Variants in IQGAP2 observed in about 807,000 individuals in gnomAD.
IQGAP2 encodes the protein ras GTPase-activating-like protein IQGAP2.
In IQGAP2, 173 loss-of-function variants were observed where a neutral mutation model predicts 201.3. That is an observed-to-expected ratio of 0.86 (90% CI 0.76 to 0.98). IQGAP2 has a LOEUF of 0.98. Ranked by LOEUF, IQGAP2 falls within the 50% of genes least tolerant of loss-of-function variation. The probability of loss-of-function intolerance (pLI) is 0.00; values close to 1 mark genes in which losing one functional copy is unlikely to be tolerated. For synonymous variants in IQGAP2, 675 were observed against 673.9 expected (o/e 1.00, Z -0.03); for missense variants, 1,687 against 1,864.8 (o/e 0.90, Z 1.76).
Position 76,549,682 on chromosome 5 carries a change from C to T in IQGAP2, c.147-12714C>T, listed in dbSNP as rs1001995899. 1.1e-4 allele frequency among the ~76,000 whole-genome samples: 17 copies of T among 152,082 alleles called. 1 individual carries two copies. The highest frequency in any genetic ancestry group is 1.0e-3 in the Admixed American group (16 of 15,262). On this transcript the variant is annotated intron_variant, in intron 2 of 35. Transcript: ENST00000274364. ...TTTGGTTTCTTCTGAGGCCTCTGTC[C>T]TCGGCTTTGCAGATGGCCCTTTCAC...
At chr5:76,662,361 T>C (rs1190482438) in intron 21 of IQGAP2, among the ~76,000 whole-genome samples, 2 of 152,198 alleles carry the variant, frequency 1.3e-5, no homozygotes, top group African/African-American at 4.8e-5. Context: ...CTGTTTCTAA[T>C]GCAGAGGAAT....
In IQGAP2 at chr5:76,518,789, T is replaced by A. The variant is rs574393480; in HGVS notation, c.147-43607T>A. ...TGATTCCTAGTTTTCAGGAGAAAAA[T>A]TAAAGTTCTTTGGGAGAACTTTAAA... is the stretch of plus-strand genomic sequence containing the variant. On this transcript the variant is annotated intron_variant, in intron 2 of 35. Coordinates refer to ENST00000274364, the MANE Select transcript of IQGAP2 (RefSeq NM_006633.5). 3.3e-5 allele frequency among the ~76,000 whole-genome samples: 5 copies of A among 152,246 alleles called. No individual in the cohort carries two copies. In the South Asian group the frequency reaches 6.2e-4, roughly 19 times the overall value.
chr5:76,649,504 A>C (rs189351524), intron 17 of IQGAP2, among the ~76,000 whole-genome samples: 28 of 152,366 alleles, frequency 1.8e-4, no homozygotes, highest in South Asian at 6.2e-4. Flanking sequence ...AGCTAGAAGA[A>C]TAAAAATATG....
chr5:76,549,420 G>A (rs960572940), intron 2 of IQGAP2, among the ~76,000 whole-genome samples: 7 of 151,620 alleles, frequency 4.6e-5, no homozygotes, highest in East Asian at 1.9e-4. Context: ...CAGTCTAACT[G>A]AGTGAGCCAG....
At chr5:76,616,473 T>A (rs1314955999) in intron 13 of IQGAP2, 1 of 152,684 alleles carries the variant, frequency 6.5e-6, no homozygotes. Flanking sequence ...TTTAGTGATG[T>A]ATCCTAACTG....
chr5:76,520,522 T>C (rs78741678), intron 2 of IQGAP2, among the ~76,000 whole-genome samples: 506 of 152,304 alleles, frequency 3.3e-3, no homozygotes, highest in African/African-American at 0.011. Context: ...TTTTCAAAAT[T>C]ATTTTAGCTA....
intron 2 of IQGAP2, among the ~76,000 whole-genome samples, chr5:76,557,188 T>C (rs1222769757): frequency 6.6e-6 from 1 of 152,174 alleles, no homozygotes; most frequent in Non-Finnish European, 1.5e-5. Context: ...AATTAAAAGT[T>C]GGAATTAGAG....
At chr5:76,551,595 G>T (rs1743530979) in intron 2 of IQGAP2, among the ~76,000 whole-genome samples, 1 of 152,162 alleles carries the variant, frequency 6.6e-6, no homozygotes, top group African/African-American at 2.4e-5. Context: ...GACTCCGTCT[G>T]CAATCCCGGC....
intron 2 of IQGAP2, among the ~76,000 whole-genome samples, chr5:76,496,803 CTTTCTCTT>C (rs1757015231): frequency 8.6e-6 from 1 of 115,908 alleles, no homozygotes; most frequent in African/African-American, 3.6e-5. Context: ...CTCTTTCTTT[CTTTCTCTT>C]TCTTTCTTTC....
intron 21 of IQGAP2, among the ~76,000 whole-genome samples, chr5:76,663,880 A>G (rs6890835): frequency 0.16 from 23,925 of 152,240 alleles, 2,435 homozygotes; most frequent in African/African-American, 0.3. Context: ...TTAAGGCCTC[A>G]TAGAATTGAA....
intron 5 of IQGAP2, among the ~76,000 whole-genome samples, chr5:76,579,841 G>A (rs552372658): frequency 1.3e-5 from 2 of 151,884 alleles, no homozygotes; most frequent in African/African-American, 4.8e-5. Context: ...CTTTCTACCC[G>A]GTGTTTCTGT....
Position 76,644,295 on chromosome 5 carries a change from C to CTTTTTTTTTTTTTTTTTTTTTTTTT in IQGAP2, c.2094+3214_2094+3215insTTTTTTTTTTTTTTTTTTTTTTTTT, listed in dbSNP as rs547155944. ...AATGAGACTGCCATTTTTGTAAATCCTTTTTTTTTTTTTTTTTTTTTTGAG... is the reference window on the plus strand; with the variant it reads ...AATGAGACTGCCATTTTTGTAAATCCTTTTTTTTTTTTTTTTTTTTTTTTTTTTTTTTTTTTTTTTTTTTTTTGAG... On this transcript the variant is annotated intron_variant, in intron 17 of 35. Transcript: ENST00000274364. Among the ~76,000 whole-genome samples, 241 of 47,698 alleles carry CTTTTTTTTTTTTTTTTTTTTTTTTT rather than the reference C, an allele frequency of 5.1e-3. 58 individuals carry two copies. Among genetic ancestry groups the CTTTTTTTTTTTTTTTTTTTTTTTTT allele is most frequent in the Non-Finnish European group, 7.7e-3 (178 of 22,974 alleles). 31.3% of individuals were successfully genotyped at this position (47,698 alleles called of 152,430 possible). A position where few individuals can be genotyped will look rare whatever the true frequency, so the allele number is the denominator to read the frequency against.
intron 11 of IQGAP2, 148 bp downstream of exon 11, chr5:76,601,120 A>G: frequency 1.5e-6 from 1 of 678,450 alleles, no homozygotes; most frequent in Non-Finnish European, 2.4e-6. Flanking sequence ...CCTTCTAATT[A>G]GTATCCTTGT....
intron 2 of IQGAP2, among the ~76,000 whole-genome samples, chr5:76,501,415 A>T (rs1290709798): frequency 6.6e-6 from 1 of 152,172 alleles, no homozygotes; most frequent in Non-Finnish European, 1.5e-5. Flanking sequence ...TTTTAATTTT[A>T]AAAGAATATT....
intron 1 of IQGAP2, among the ~76,000 whole-genome samples, chr5:76,410,157 C>G (rs1297400421): frequency 1.3e-5 from 2 of 152,114 alleles, no homozygotes; most frequent in African/African-American, 4.8e-5. Flanking sequence ...TAGTGCCCTT[C>G]CAAGTTCTGT....
intron 2 of IQGAP2, among the ~76,000 whole-genome samples, chr5:76,514,886 C>T (rs1333895394): frequency 6.6e-6 from 1 of 152,158 alleles, no homozygotes; most frequent in Non-Finnish European, 1.5e-5. Flanking sequence ...CAGCTGAATT[C>T]AGTGTGTCTG....
At chr5:76,540,057 A>AT (rs1270495901) in intron 2 of IQGAP2, among the ~76,000 whole-genome samples, 3 of 152,170 alleles carry the variant, frequency 2.0e-5, no homozygotes, top group Non-Finnish European at 4.4e-5. Flanking sequence ...AATTAGCTGC[A>AT]GGAATTGGAG....
At chr5:76,565,482 T>C (rs1420288439) in intron 3 of IQGAP2, among the ~76,000 whole-genome samples, 1 of 152,210 alleles carries the variant, frequency 6.6e-6, no homozygotes, top group African/African-American at 2.4e-5. Context: ...AGAGTTCAAC[T>C]TTCCAGTTAT....
At chr5:76,542,165 T>G (rs565962973) in intron 2 of IQGAP2, among the ~76,000 whole-genome samples, 1 of 151,802 alleles carries the variant, frequency 6.6e-6, no homozygotes, top group South Asian at 2.1e-4. Flanking sequence ...AAAAAAAAAT[T>G]GATAGAGATG....
Sources: allele counts gnomAD v4.1 joint callset (sites outside exome capture counted in the v4.1 genomes callset), GRCh38; gene constraint gnomAD v4.1.1; transcripts MANE v1.5; gene names NCBI Gene and HGNC (gene_info 2026-07-23, HGNC 2026-07-21).